Variants in GART observed in about 807,000 individuals in gnomAD.
GART encodes the protein phosphoribosylglycinamide formyltransferase, phosphoribosylglycinamide synthetase, phosphoribosylaminoimidazole synthetase, also known as trifunctional purine biosynthetic protein adenosine-3.
Under a neutral mutation model 107.2 loss-of-function variants are expected in GART, and 43 were observed. The ratio of observed to expected loss-of-function variants is 0.40; its 90% CI spans 0.31 to 0.52. GART has a LOEUF of 0.52. GART is among the 20% of genes least tolerant of loss of function. GART has a pLI of 0.52. For synonymous variants in GART, 434 were observed against 427.0 expected (o/e 1.02, Z -0.20); for missense variants, 1,107 against 1,206.5 (o/e 0.92, Z 1.22).
At chr21:33,533,402 G>A (rs1386780614) in intron 4 of GART, among the ~76,000 whole-genome samples, 3 of 148,802 alleles carry the variant, frequency 2.0e-5, no homozygotes, top group East Asian at 2.0e-4. Context: ...TAGAGATAGC[G>A]CCACTGCAGT....
At chr21:33,506,147 C>CTT (rs375511825) in intron 18 of GART, 43 bp from the exon 19 acceptor site, 561 of 1,248,722 alleles carry the variant, frequency 4.5e-4, no homozygotes, top group South Asian at 6.9e-4. Context: ...ACTACTACTT[C>CTT]TTTTTTTTTT....
At chr21:33,528,437 G>T in intron 9 of GART, 82 bp downstream of exon 9, 1 of 1,541,620 alleles carries the variant, frequency 6.5e-7, no homozygotes, top group South Asian at 1.1e-5. Flanking sequence ...TTTCCCAAAG[G>T]TAATTACTTC....
intron 7 of GART, among the ~76,000 whole-genome samples, chr21:33,530,018 C>A (rs1173707498): frequency 6.6e-6 from 1 of 151,776 alleles, no homozygotes; most frequent in East Asian, 2.0e-4. Flanking sequence ...ATGGTGAAAC[C>A]CCATCTCTAC....
intron 1 of GART, among the ~76,000 whole-genome samples, chr21:33,541,516 A>C (rs1439230740): frequency 6.6e-6 from 1 of 152,172 alleles, no homozygotes; most frequent in Non-Finnish European, 1.5e-5. Context: ...AATTCTGTTT[A>C]CTCTAGTGGA....
intron 14 of GART, chr21:33,518,895 G>C (rs767990258): frequency 1.9e-6 from 1 of 526,614 alleles, no homozygotes; most frequent in Non-Finnish European, 3.7e-6. Flanking sequence ...CTGTAATGGT[G>C]AAAGTGTTCA....
In GART at chr21:33,517,112, A is replaced by G. The variant is rs1329256380; in HGVS notation, c.1984T>C (p.Tyr662His). 1 of 1,612,260 alleles carries G rather than the reference A, an allele frequency of 6.2e-7. No homozygotes were observed. The highest frequency in any genetic ancestry group is 1.7e-5 in the Admixed American group (1 of 59,440). ...GDLLLTPTRI[Y>H]SHSLLPVLRS... is the part of the protein sequence containing the mutation. The stretch of plus-strand genomic sequence containing the variant: ...AGGACAGGTAACAGTGAATGGCTGT[A>G]GATTCTGGTAGGCGTGAGAAGTAAG... The change falls in exon 16 of 22, where the codon TAC (tyrosine) becomes CAC (histidine). Residue 662 changes from tyrosine (Y) to histidine (H), a missense_variant. By Grantham distance (83) the Tyr-to-His change is moderately conservative (BLOSUM62 2). Transcript: ENST00000381815.
chr21:33,530,950 G>A (rs1472764488), intron 6 of GART, 66 bp from the exon 7 acceptor site: 3 of 1,419,370 alleles, frequency 2.1e-6, no homozygotes, highest in South Asian at 1.6e-5. Context: ...AATTTAGTGA[G>A]GCAAACTATA....
intron 14 of GART, 98 bp downstream of exon 14, chr21:33,520,266 C>A: frequency 1.0e-6 from 1 of 978,112 alleles, no homozygotes; most frequent in South Asian, 1.4e-5. Context: ...GATATACAGT[C>A]TCTCTTGCTA....
intron 4 of GART, among the ~76,000 whole-genome samples, chr21:33,533,779 C>T (rs1403937571): frequency 6.6e-6 from 1 of 151,952 alleles, no homozygotes; most frequent in African/African-American, 2.4e-5. Context: ...GTGGTGTGTG[C>T]CTATTGTCCC....
At chr21:33,535,726 T>C (rs2085291954) in intron 2 of GART, among the ~76,000 whole-genome samples, 1 of 152,104 alleles carries the variant, frequency 6.6e-6, no homozygotes, top group South Asian at 2.1e-4. Flanking sequence ...TCCTCAGCAC[T>C]GGTATTAAGA....
intron 7 of GART, among the ~76,000 whole-genome samples, chr21:33,529,185 A>G (rs1257182653): frequency 2.0e-5 from 3 of 152,202 alleles, no homozygotes; most frequent in African/African-American, 7.2e-5. Context: ...TAACTTCCCG[A>G]AACGTAATAG....
chr21:33,522,066 G>C (rs2084983305), intron 12 of GART, 122 bp downstream of exon 12: 3 of 674,324 alleles, frequency 4.4e-6, no homozygotes, highest in Admixed American at 5.2e-5. Flanking sequence ...TTTGGCTTAA[G>C]CAGGGCAAAA....
chr21:33,539,157 T>C lies in GART; in HGVS notation c.145+14A>G. On this transcript the variant is annotated intron_variant, in intron 2 of 21. Transcript: ENST00000381815. ...AAATAATAACTATTACTCCCCACTTTAAAACATGATTACCGGTATTTGAAA... is the reference window on the plus strand; with the variant it reads ...AAATAATAACTATTACTCCCCACTTCAAAACATGATTACCGGTATTTGAAA... The C allele has an allele frequency of 6.2e-7, 1 of 1,608,616 alleles. No individual in the cohort carries two copies. The highest frequency in any genetic ancestry group is 8.5e-7 in the Non-Finnish European group (1 of 1,177,754).
intron 16 of GART, among the ~76,000 whole-genome samples, chr21:33,515,665 A>C (rs1335803093): frequency 2.0e-5 from 3 of 151,258 alleles, no homozygotes; most frequent in Admixed American, 6.6e-5. Flanking sequence ...AAAAAAAAAA[A>C]AAAAAAAAAA....
At chr21:33,528,420 G>A (rs1486600160) in intron 9 of GART, 85 bp from the exon 10 acceptor site, 5 of 1,551,940 alleles carry the variant, frequency 3.2e-6, no homozygotes, top group Non-Finnish European at 3.5e-6. Context: ...AGCAGAACTT[G>A]CATGAATTTC....
intron 11 of GART, 63 bp from the exon 12 acceptor site, chr21:33,522,345 T>C (rs137907244): frequency 6.5e-6 from 8 of 1,236,212 alleles, no homozygotes; most frequent in African/African-American, 3.0e-5. Context: ...TCTTAAAATA[T>C]TATTTAAAGC....
At chr21:33,515,677 GAAAAACA>G (rs892576355) in intron 16 of GART, among the ~76,000 whole-genome samples, 4 of 121,646 alleles carry the variant, frequency 3.3e-5, no homozygotes, top group Non-Finnish European at 5.4e-5. Context: ...AAAAAAAAAC[GAAAAACA>G]AAAAACAAAA....
intron 4 of GART, among the ~76,000 whole-genome samples, chr21:33,534,043 G>A (rs1466989261): frequency 6.6e-6 from 1 of 152,114 alleles, no homozygotes; most frequent in Non-Finnish European, 1.5e-5. Flanking sequence ...TTCCTGCAAG[G>A]CCACAAGATC....
intron 18 of GART, among the ~76,000 whole-genome samples, chr21:33,507,715 C>A (rs1318519450): frequency 6.6e-6 from 1 of 152,110 alleles, no homozygotes; most frequent in African/African-American, 2.4e-5. Context: ...GCCTGTAATC[C>A]CAGCTACTCA....
Sources: allele counts gnomAD v4.1 joint callset (sites outside exome capture counted in the v4.1 genomes callset), GRCh38; gene constraint gnomAD v4.1.1; transcripts MANE v1.5; gene names NCBI Gene and HGNC (gene_info 2026-07-23, HGNC 2026-07-21).